The following CCSER1 variants were observed in gnomAD, a reference collection of about 807,000 sequenced individuals.
CCSER1 encodes the protein serine-rich coiled-coil domain-containing protein 1.
A neutral mutation model predicts 82.0 loss-of-function variants in CCSER1; 41 were observed. The ratio of observed to expected loss-of-function variants is 0.50; its 90% CI spans 0.39 to 0.65. The LOEUF is 0.65. Among genes scored for constraint, CCSER1 ranks in the 30% least tolerant of loss-of-function variants. The pLI is 0.00. For synonymous variants in CCSER1, 414 were observed against 383.9 expected (o/e 1.08, Z -0.92); for missense variants, 1,119 against 1,064.2 (o/e 1.05, Z -0.72).
At chr4:91,527,989 C>T (rs1031743311) in intron 10 of CCSER1, among the ~76,000 whole-genome samples, 1 of 151,958 alleles carries the variant, frequency 6.6e-6, no homozygotes, top group Non-Finnish European at 1.5e-5. Context: ...ATCTCGGCTC[C>T]CTGCAACCTC....
chr4:91,446,091 TA>T (rs1401050917), intron 10 of CCSER1, among the ~76,000 whole-genome samples: 10 of 152,170 alleles, frequency 6.6e-5, no homozygotes. Flanking sequence ...TTTGCTTTTG[TA>T]ATGTTTTATT....
In CCSER1 at chr4:90,826,331, A is replaced by C. The variant is rs75641586; in HGVS notation, c.2094+10486A>C. 8.9e-4 allele frequency among the ~76,000 whole-genome samples: 135 copies of C among 152,322 alleles called. 3 individuals are homozygous for C. In the East Asian group the frequency reaches 0.023, roughly 26 times the overall value. On this transcript the variant is annotated intron_variant, in intron 8 of 10. Coordinates refer to ENST00000509176, the MANE Select transcript of CCSER1 (RefSeq NM_001145065.2). ...TATTTAACTGTATGTATATAAATAA[A>C]CATGTAATGTTCTACTTCACAATAA...
At chr4:90,894,166 C>A (rs546665746) in intron 8 of CCSER1, among the ~76,000 whole-genome samples, 1 of 151,894 alleles carries the variant, frequency 6.6e-6, no homozygotes, top group Non-Finnish European at 1.5e-5. Flanking sequence ...CAATTTAAAA[C>A]GTAGAATAAA....
intron 6 of CCSER1, among the ~76,000 whole-genome samples, chr4:90,657,205 T>G (rs1370451387): frequency 2.0e-5 from 3 of 152,126 alleles, no homozygotes; most frequent in Admixed American, 2.0e-4. Context: ...CAGTTTCATC[T>G]TAAAACATAT....
chr4:91,076,239 G>A (rs1284282194), intron 9 of CCSER1, among the ~76,000 whole-genome samples: 1 of 83,116 alleles, frequency 1.2e-5, no homozygotes, highest in African/African-American at 4.7e-5. Flanking sequence ...ATAATCTAGT[G>A]CCTAAATTAT....
intron 9 of CCSER1, among the ~76,000 whole-genome samples, chr4:91,085,324 T>C (rs1723267944): frequency 1.3e-5 from 2 of 152,128 alleles, no homozygotes. Flanking sequence ...GCAAAAGTAA[T>C]TGTAGTTTTT....
intron 5 of CCSER1, among the ~76,000 whole-genome samples, chr4:90,508,951 A>G (rs954314195): frequency 1.3e-5 from 2 of 152,014 alleles, no homozygotes; most frequent in Non-Finnish European, 2.9e-5. Flanking sequence ...ATTAGCATAT[A>G]TTGTTTTAAT....
intron 8 of CCSER1, among the ~76,000 whole-genome samples, chr4:90,906,087 A>C (rs1334815970): frequency 1.3e-5 from 2 of 152,096 alleles, no homozygotes; most frequent in African/African-American, 4.8e-5. Flanking sequence ...CTTTGCTACC[A>C]TTTCTATTTG....
chr4:91,306,057 GTT>G (rs764591063), intron 10 of CCSER1, among the ~76,000 whole-genome samples: 1 of 122,020 alleles, frequency 8.2e-6, no homozygotes. Flanking sequence ...ATATCAGTGT[GTT>G]TGTGTGTGTG....
intron 1 of CCSER1, among the ~76,000 whole-genome samples, chr4:90,252,462 T>C (rs1210506299): frequency 6.6e-6 from 1 of 151,830 alleles, no homozygotes; most frequent in Non-Finnish European, 1.5e-5. Context: ...TTACTATTTA[T>C]ATATTTGTAA....
chr4:90,449,580 T>A (rs1761151363), intron 4 of CCSER1, among the ~76,000 whole-genome samples: 1 of 152,186 alleles, frequency 6.6e-6, no homozygotes. Context: ...ACCCTTCCCT[T>A]GGCCTCCCTC....
chr4:91,120,963 C>T (rs1241075570), intron 10 of CCSER1, among the ~76,000 whole-genome samples: 1 of 151,864 alleles, frequency 6.6e-6, no homozygotes, highest in Non-Finnish European at 1.5e-5. Flanking sequence ...TCTAGATAAA[C>T]ACCTCTCTTC....
intron 10 of CCSER1, among the ~76,000 whole-genome samples, chr4:91,416,923 C>T (rs1297329900): frequency 6.6e-6 from 1 of 152,064 alleles, no homozygotes; most frequent in South Asian, 2.1e-4. Flanking sequence ...AGAAAACCTA[C>T]AAAATGGGAG....
At chr4:90,908,936 T>A (rs1725918906) in intron 8 of CCSER1, among the ~76,000 whole-genome samples, 1 of 152,186 alleles carries the variant, frequency 6.6e-6, no homozygotes, top group African/African-American at 2.4e-5. Flanking sequence ...TACCACAAAC[T>A]GGCTGACTTA....
intron 10 of CCSER1, among the ~76,000 whole-genome samples, chr4:91,471,895 G>A (rs1204108999): frequency 1.0e-4 from 15 of 149,784 alleles, no homozygotes; most frequent in African/African-American, 3.7e-4. Flanking sequence ...GCGTGAACCC[G>A]GGAGGCAGAG....
intron 10 of CCSER1, among the ~76,000 whole-genome samples, chr4:91,375,519 CTT>C (rs35891064): frequency 6.3e-4 from 86 of 136,916 alleles, no homozygotes; most frequent in Admixed American, 7.5e-4. Flanking sequence ...TCACTGTTGT[CTT>C]TTTTTTTTTT....
chr4:91,121,122 CTT>C (rs33964627), intron 10 of CCSER1, among the ~76,000 whole-genome samples: 10 of 148,582 alleles, frequency 6.7e-5, no homozygotes, highest in East Asian at 2.0e-4. Flanking sequence ...TTGCTGACAT[CTT>C]TTTTTTTTTC....
chr4:90,834,362 G>A (rs745385191), intron 8 of CCSER1, among the ~76,000 whole-genome samples: 1 of 152,138 alleles, frequency 6.6e-6, no homozygotes, highest in Non-Finnish European at 1.5e-5. Context: ...TCAGTAAGTT[G>A]AATAAAGAAT....
chr4:90,174,914 A>G (rs1177492066), intron 1 of CCSER1, among the ~76,000 whole-genome samples: 2 of 152,014 alleles, frequency 1.3e-5, no homozygotes, highest in Non-Finnish European at 2.9e-5. Flanking sequence ...GGAATGTAAA[A>G]TGGTGCAAGC....
Sources: allele counts gnomAD v4.1 joint callset (sites outside exome capture counted in the v4.1 genomes callset), GRCh38; gene constraint gnomAD v4.1.1; transcripts MANE v1.5; gene names NCBI Gene and HGNC (gene_info 2026-07-23, HGNC 2026-07-21).